PDE4B: variants seen among roughly 807,000 people sequenced by gnomAD.
PDE4B encodes the protein 3',5'-cyclic-AMP phosphodiesterase 4B.
In PDE4B, 20 loss-of-function variants were observed where a neutral mutation model predicts 82.2. The observed-to-expected ratio is 0.24, with a 90% confidence interval of 0.17 to 0.35. PDE4B has a LOEUF of 0.35. Among genes scored for constraint, PDE4B ranks in the 10% least tolerant of loss-of-function variants. The pLI, the probability that PDE4B is intolerant of heterozygous loss-of-function variation, is 1.00. For missense variants in PDE4B, 655 were observed against 907.2 expected, an observed-to-expected ratio of 0.72 and a Z score of 3.57; for synonymous variants, 320 against 318.9, an observed-to-expected ratio of 1.00 and a Z score of -0.04.
intron 3 of PDE4B, among the ~76,000 whole-genome samples, chr1:65,988,816 T>G (rs1255543118): frequency 6.6e-6 from 1 of 152,160 alleles, no homozygotes; most frequent in Non-Finnish European, 1.5e-5. Flanking sequence ...ATACTTTTGT[T>G]TTATAATAGT....
At chr1:66,322,857 A>T (rs1437370301) in intron 7 of PDE4B, among the ~76,000 whole-genome samples, 1 of 152,114 alleles carries the variant, frequency 6.6e-6, no homozygotes, top group Non-Finnish European at 1.5e-5. Context: ...AATCTTCATA[A>T]CTATCCCACA....
At chr1:65,927,895 G>A (rs901037981) in intron 3 of PDE4B, among the ~76,000 whole-genome samples, 2 of 152,126 alleles carry the variant, frequency 1.3e-5, no homozygotes, top group Non-Finnish European at 2.9e-5. Context: ...AATGACCACA[G>A]GATGAGTCCG....
chr1:66,316,563 T>C (rs1468619069), intron 7 of PDE4B, among the ~76,000 whole-genome samples: 2 of 152,242 alleles, frequency 1.3e-5, no homozygotes, highest in African/African-American at 4.8e-5. Flanking sequence ...TCTGTATGTG[T>C]GTGTTCAGGG....
chr1:65,826,815 G>C (rs1646023237), intron 1 of PDE4B, among the ~76,000 whole-genome samples: 1 of 152,116 alleles, frequency 6.6e-6, no homozygotes, highest in Non-Finnish European at 1.5e-5. Flanking sequence ...TTGTGACCCA[G>C]GTTCACAATG....
Position 66,368,768 on chromosome 1 carries a change from C to T in PDE4B, c.1663-19C>T. 6.7e-7 allele frequency: 1 copy of T among 1,490,754 alleles called. No homozygotes were observed. Among genetic ancestry groups the T allele is most frequent in the Non-Finnish European group, 9.0e-7 (1 of 1,110,742 alleles). 92.3% of individuals were successfully genotyped at this position (1,490,754 alleles called of 1,614,324 possible). A position where few individuals can be genotyped will look rare whatever the true frequency, so the allele number is the denominator to read the frequency against. ...TTTACACCTAATTTTATGAGATTTC[C>T]AAAACTTGATGATTTCAGGTCCTTC... On this transcript the variant is annotated intron_variant, in intron 15 of 16. Coordinates refer to ENST00000341517, the MANE Select transcript of PDE4B (RefSeq NM_002600.4).
At chr1:66,114,482 G>T (rs1321415455) in intron 3 of PDE4B, among the ~76,000 whole-genome samples, 1 of 152,038 alleles carries the variant, frequency 6.6e-6, no homozygotes, top group Admixed American at 6.6e-5. Flanking sequence ...CTAATTCTTA[G>T]TTCAGAATTT....
intron 8 of PDE4B, among the ~76,000 whole-genome samples, chr1:66,348,492 C>T (rs924314833): frequency 5.3e-5 from 8 of 151,898 alleles, no homozygotes; most frequent in Admixed American, 1.3e-4. Context: ...AGTTTTAGGT[C>T]TTACGTTTCT....
chr1:66,234,386 T>C (rs2101639956), intron 3 of PDE4B, among the ~76,000 whole-genome samples: 1 of 152,306 alleles, frequency 6.6e-6, no homozygotes, highest in South Asian at 2.1e-4. Flanking sequence ...CCTCCCGGGT[T>C]CAAGTGATTC....
chr1:66,266,440 A>T (rs975412518), intron 7 of PDE4B, among the ~76,000 whole-genome samples: 1 of 152,182 alleles, frequency 6.6e-6, no homozygotes, highest in Admixed American at 6.5e-5. Context: ...CTAACATCGA[A>T]GACCTAAGGT....
chr1:66,234,428 A>G (rs1226093792), intron 3 of PDE4B, among the ~76,000 whole-genome samples: 1 of 152,124 alleles, frequency 6.6e-6, no homozygotes, highest in Non-Finnish European at 1.5e-5. Context: ...AGCTGGGACT[A>G]CAGGTGCATG....
intron 1 of PDE4B, among the ~76,000 whole-genome samples, chr1:65,810,320 C>G (rs572479830): frequency 1.6e-4 from 24 of 152,198 alleles, no homozygotes; most frequent in Non-Finnish European, 3.4e-4. Context: ...TCACCATGTG[C>G]CAAGCATCTT....
chr1:66,237,964 A>G (rs187648540), intron 3 of PDE4B, among the ~76,000 whole-genome samples: 47 of 152,042 alleles, frequency 3.1e-4, no homozygotes, highest in East Asian at 1.5e-3. Flanking sequence ...ATAAAAGGGG[A>G]AAAAAAAGAC....
intron 3 of PDE4B, among the ~76,000 whole-genome samples, chr1:66,161,469 T>C (rs1243324346): frequency 1.3e-5 from 2 of 152,184 alleles, no homozygotes; most frequent in Non-Finnish European, 2.9e-5. Flanking sequence ...GAAAATTGGT[T>C]CACTTTTTAA....
At chr1:66,306,220 C>T (rs868649060) in intron 7 of PDE4B, among the ~76,000 whole-genome samples, 1 of 152,008 alleles carries the variant, frequency 6.6e-6, no homozygotes, top group Middle Eastern at 3.2e-3. Flanking sequence ...CCCTGTACAC[C>T]AAATTAAGGG....
intron 1 of PDE4B, among the ~76,000 whole-genome samples, chr1:65,826,032 T>C (rs1441302900): frequency 1.3e-5 from 2 of 152,214 alleles, no homozygotes; most frequent in Non-Finnish European, 2.9e-5. Flanking sequence ...AAGACTTGCC[T>C]GATTTACTGA....
chr1:66,101,520 C>A (rs1426893286), intron 3 of PDE4B, among the ~76,000 whole-genome samples: 1 of 152,140 alleles, frequency 6.6e-6, no homozygotes, highest in Non-Finnish European at 1.5e-5. Flanking sequence ...TAATGATCGC[C>A]ATTCTAACTG....
At chr1:65,825,322 G>A (rs1360780880) in intron 1 of PDE4B, among the ~76,000 whole-genome samples, 11 of 152,266 alleles carry the variant, frequency 7.2e-5, no homozygotes, top group Admixed American at 6.5e-4. Flanking sequence ...CTAAAACAAT[G>A]AGGTGGTGGA....
chr1:65,931,747 C>G lies in PDE4B; in HGVS notation c.281+12912C>G, dbSNP rs568034165. On this transcript the variant is annotated intron_variant, in intron 3 of 16. Transcript: ENST00000341517. ...TTCAGGACACCCTCATGTCTGAATC[C>G]CTACCCACAGCTCAATGCCACATGA... 2.0e-5 allele frequency among the ~76,000 whole-genome samples: 3 copies of G among 152,262 alleles called. No individual in the cohort carries two copies. In the South Asian group the frequency reaches 6.2e-4, roughly 32 times the overall value.
intron 1 of PDE4B, among the ~76,000 whole-genome samples, chr1:65,823,121 G>C (rs1045768283): frequency 6.6e-6 from 1 of 151,970 alleles, no homozygotes; most frequent in African/African-American, 2.4e-5. Flanking sequence ...GGACAGGCTG[G>C]GCACAGTGGC....
Sources: allele counts gnomAD v4.1 joint callset (sites outside exome capture counted in the v4.1 genomes callset), GRCh38; gene constraint gnomAD v4.1.1; transcripts MANE v1.5; gene names NCBI Gene and HGNC (gene_info 2026-07-23, HGNC 2026-07-21).